Variants in NRXN3 observed in about 807,000 individuals in gnomAD.
The protein encoded by NRXN3 is neurexin III.
A neutral mutation model predicts 137.6 loss-of-function variants in NRXN3; 32 were observed. That is an observed-to-expected ratio of 0.23 (90% CI 0.18 to 0.31). The LOEUF is 0.31. Among genes scored for constraint, NRXN3 ranks in the 10% least tolerant of loss-of-function variants. The pLI, the probability that NRXN3 is intolerant of heterozygous loss-of-function variation, is 1.00. For synonymous variants in NRXN3, 798 were observed against 784.5 expected (o/e 1.02, Z -0.29); for missense variants, 1,574 against 2,062.5 (o/e 0.76, Z 4.59).
intron 15 of NRXN3, among the ~76,000 whole-genome samples, chr14:79,050,026 A>G (rs931006829): frequency 6.6e-6 from 1 of 152,162 alleles, no homozygotes; most frequent in African/African-American, 2.4e-5. Context: ...GGAATATCAT[A>G]ACAGTAAACA....
At chr14:79,209,127 A>G (rs1165838228) in intron 15 of NRXN3, among the ~76,000 whole-genome samples, 3 of 152,034 alleles carry the variant, frequency 2.0e-5, no homozygotes, top group African/African-American at 7.2e-5. Flanking sequence ...TTTAGTAGAG[A>G]TGGGGTTTCA....
At chr14:78,253,466 G>C (rs1238277662) in intron 2 of NRXN3, among the ~76,000 whole-genome samples, 1 of 152,150 alleles carries the variant, frequency 6.6e-6, no homozygotes, top group Non-Finnish European at 1.5e-5. Flanking sequence ...TTGAGCCCAG[G>C]AGTTTGAGGC....
chr14:78,667,278 T>C (rs901875766), intron 6 of NRXN3, among the ~76,000 whole-genome samples: 1 of 152,208 alleles, frequency 6.6e-6, no homozygotes, highest in African/African-American at 2.4e-5. Flanking sequence ...TTTATTTATC[T>C]ATAAAACTGG....
intron 4 of NRXN3, among the ~76,000 whole-genome samples, chr14:78,395,663 G>C (rs1349056434): frequency 6.6e-6 from 1 of 151,862 alleles, no homozygotes; most frequent in Non-Finnish European, 1.5e-5. Context: ...TTCAGTTTTT[G>C]CTTCACATAC....
Position 79,617,917 on chromosome 14 carries a change from C to CAAAAA in NRXN3, c.3445-45850_3445-45846dup, listed in dbSNP as rs1162153685. 2.8e-4 allele frequency among the ~76,000 whole-genome samples: 26 copies of CAAAAA among 91,328 alleles called. 4 individuals are homozygous for CAAAAA. Among genetic ancestry groups the CAAAAA allele is most frequent in the African/African-American group, 1.1e-3 (19 of 17,248 alleles). The allele number at this position is 91,328 out of a possible 152,430, so 59.9% of individuals were successfully genotyped here. On this transcript the variant is annotated intron_variant, in intron 16 of 20. Coordinates refer to ENST00000335750, the MANE Select transcript of NRXN3 (RefSeq NM_001330195.2). ...TTCAGAGATAGGAGCTGAATAGCAG[C>CAAAAA]AAAAAAAAAAAAAAACATGCTTATG...
chr14:79,173,131 T>C (rs1475464304), intron 15 of NRXN3, among the ~76,000 whole-genome samples: 2 of 152,154 alleles, frequency 1.3e-5, no homozygotes, highest in African/African-American at 4.8e-5. Context: ...GAAGAAAATT[T>C]GGACTAGAGA....
At chr14:78,356,186 TA>T (rs765878997) in intron 4 of NRXN3, among the ~76,000 whole-genome samples, 2 of 152,174 alleles carry the variant, frequency 1.3e-5, no homozygotes, top group Non-Finnish European at 2.9e-5. Flanking sequence ...TTACAAGCCT[TA>T]AAAAATCTCT....
At chr14:79,768,614 C>T (rs2099065087) in intron 19 of NRXN3, among the ~76,000 whole-genome samples, 1 of 152,200 alleles carries the variant, frequency 6.6e-6, no homozygotes, top group Non-Finnish European at 1.5e-5. Context: ...ACACCAAAAA[C>T]CCATCTGTAC....
At chr14:78,948,552 G>A (rs2099374693) in intron 10 of NRXN3, among the ~76,000 whole-genome samples, 1 of 151,210 alleles carries the variant, frequency 6.6e-6, no homozygotes, top group Non-Finnish European at 1.5e-5. Context: ...GGCGGCACGT[G>A]ATGCAGGGTC....
chr14:78,184,214 AG>A (rs1237587955), intron 1 of NRXN3, among the ~76,000 whole-genome samples: 1 of 152,240 alleles, frequency 6.6e-6, no homozygotes, highest in African/African-American at 2.4e-5. Flanking sequence ...TTTTGTTTTT[AG>A]AGGAGTTCAT....
chr14:78,387,683 T>C (rs559918190), intron 4 of NRXN3, among the ~76,000 whole-genome samples: 6 of 152,308 alleles, frequency 3.9e-5, no homozygotes, highest in Admixed American at 3.9e-4. Flanking sequence ...CTTGCCATCT[T>C]CCATCCGTAT....
intron 16 of NRXN3, among the ~76,000 whole-genome samples, chr14:79,602,352 G>C (rs2097935619): frequency 1.3e-5 from 2 of 152,230 alleles, no homozygotes; most frequent in Non-Finnish European, 2.9e-5. Flanking sequence ...TTCATTGACA[G>C]TGCTTATTGT....
At chr14:78,560,050 C>G (rs7141909) in intron 4 of NRXN3, among the ~76,000 whole-genome samples, 88,968 of 152,078 alleles carry the variant, frequency 0.59, 27,011 homozygotes, top group Non-Finnish European at 0.67. Flanking sequence ...TCTGATCTCT[C>G]GAAGGTCCTG....
At chr14:79,611,404 C>T (rs1370059881) in intron 16 of NRXN3, 1 of 152,192 alleles carries the variant, frequency 6.6e-6, no homozygotes, top group Admixed American at 6.5e-5. Context: ...TCAAGACCAT[C>T]CTGGCTAACA....
At chr14:79,745,849 T>C (rs1027422999) in intron 19 of NRXN3, among the ~76,000 whole-genome samples, 1 of 152,134 alleles carries the variant, frequency 6.6e-6, no homozygotes, top group African/African-American at 2.4e-5. Context: ...GTTGCTTAAC[T>C]CCAACCTCTT....
chr14:79,301,807 C>T (rs2085187849), intron 15 of NRXN3, among the ~76,000 whole-genome samples: 1 of 151,608 alleles, frequency 6.6e-6, no homozygotes, highest in South Asian at 2.1e-4. Context: ...GAATTAGCTA[C>T]TAATATATGT....
At chr14:78,213,817 G>C (rs1177037361) in intron 1 of NRXN3, among the ~76,000 whole-genome samples, 1 of 151,990 alleles carries the variant, frequency 6.6e-6, no homozygotes, top group African/African-American at 2.4e-5. Flanking sequence ...GAAACACAGC[G>C]AGAGGGGAGG....
At position 78,916,433 on chromosome 14, in the gene NRXN3, G is replaced by A. The variant is rs190699477; in HGVS notation, c.2276-40809G>A. 8.5e-4 allele frequency among the ~76,000 whole-genome samples: 129 copies of A among 152,304 alleles called. 1 individual carries two copies. Among genetic ancestry groups the A allele is most frequent in the African/African-American group, 2.9e-3 (122 of 41,572 alleles). ...GATGGTAGGTCACAGAAGCTTGTCCGAGGTGAGGACTTTGGGCTGAGTCCT... is the reference window on the plus strand; with the variant it reads ...GATGGTAGGTCACAGAAGCTTGTCCAAGGTGAGGACTTTGGGCTGAGTCCT... On this transcript the variant is annotated intron_variant, in intron 10 of 20. Coordinates refer to ENST00000335750, the MANE Select transcript of NRXN3 (RefSeq NM_001330195.2).
intron 16 of NRXN3, among the ~76,000 whole-genome samples, chr14:79,482,024 C>T (rs1346056694): frequency 2.6e-5 from 4 of 152,086 alleles, no homozygotes; most frequent in African/African-American, 4.8e-5. Context: ...TAGGGATGTT[C>T]ATTATAGGAG....
Sources: allele counts gnomAD v4.1 joint callset (sites outside exome capture counted in the v4.1 genomes callset), GRCh38; gene constraint gnomAD v4.1.1; transcripts MANE v1.5; gene names NCBI Gene and HGNC (gene_info 2026-07-23, HGNC 2026-07-21).